The following CCSER2 variants were observed in gnomAD, a reference collection of about 807,000 sequenced individuals.
The protein encoded by CCSER2 is serine-rich coiled-coil domain-containing protein 2.
Under a neutral mutation model 92.3 loss-of-function variants are expected in CCSER2, and 46 were observed. The observed-to-expected ratio is 0.50, with a 90% CI of 0.39 to 0.64. The LOEUF is 0.64. Among genes scored for constraint, CCSER2 ranks in the 30% least tolerant of loss-of-function variants. CCSER2 has a pLI of 0.00. For synonymous variants in CCSER2, 433 were observed against 431.4 expected (o/e 1.00, Z -0.04); for missense variants, 1,244 against 1,238.9 (o/e 1.00, Z -0.06).
intron 3 of CCSER2, among the ~76,000 whole-genome samples, chr10:84,404,968 T>C (rs1842304537): frequency 6.6e-6 from 1 of 152,136 alleles, no homozygotes; most frequent in South Asian, 2.1e-4. Context: ...AGTGAAGACA[T>C]CACTCCATCC....
chr10:84,385,883 A>C (rs1841174950), intron 3 of CCSER2, among the ~76,000 whole-genome samples: 1 of 152,154 alleles, frequency 6.6e-6, no homozygotes, highest in African/African-American at 2.4e-5. Flanking sequence ...GAACTCAACA[A>C]GAAAAAAAAT....
rs1463277278 is a variant in CCSER2, at chr10:84,372,039, A to G, written c.987A>G (p.Pro329=). 3.1e-6 allele frequency: 5 copies of G among 1,613,846 alleles called. No homozygotes were observed. Among genetic ancestry groups the G allele is most frequent in the Non-Finnish European group, 3.4e-6 (4 of 1,179,834 alleles). Residue 329 remains proline, a synonymous_variant, in exon 2 of 10, where the codon CCA becomes CCG. Transcript: ENST00000372088. ...CTCTACTGAAATCTAGCCGATCTCC[A>G]TTTTCTGGGACTATGACAGTTGATG... is the stretch of plus-strand genomic sequence containing the variant. ...HPSLLKSSRS[P]FSGTMTVDGN... is the part of the protein sequence containing the mutation.
At chr10:84,365,736 A>G (rs934221931) in intron 1 of CCSER2, among the ~76,000 whole-genome samples, 11 of 152,210 alleles carry the variant, frequency 7.2e-5, no homozygotes, top group Admixed American at 6.5e-5. Context: ...CATCTTAGGC[A>G]GGAAAATAGA....
rs60243946 is a variant in CCSER2, at chr10:84,428,985, G to GTATATATATATATATATA, written c.1868+3105_1868+3122dup. Among the ~76,000 whole-genome samples the GTATATATATATATATATA allele has an allele frequency of 9.8e-4, 138 of 140,806 alleles. 1 individual carries two copies. The Middle Eastern group carries it at 0.011, about 11-fold the overall frequency. 92.4% of individuals were successfully genotyped at this position (140,806 alleles called of 152,430 possible). A position where few individuals can be genotyped will look rare whatever the true frequency, so the allele number is the denominator to read the frequency against. ...GAAGATTTTTTTTGTGTGTGTATGTGTATATATATATATATATATATATAT... is the reference window on the plus strand; with the variant it reads ...GAAGATTTTTTTTGTGTGTGTATGTGTATATATATATATATATATATATATATATATATATATATATAT... On this transcript the variant is annotated intron_variant, in intron 5 of 9. Coordinates refer to ENST00000372088, the MANE Select transcript of CCSER2 (RefSeq NM_001284240.2).
At chr10:84,501,862 CAT>C (rs561729632) in intron 9 of CCSER2, among the ~76,000 whole-genome samples, 6 of 69,516 alleles carry the variant, frequency 8.6e-5, no homozygotes, top group Non-Finnish European at 1.9e-4. Flanking sequence ...TATATATACT[CAT>C]ATATATATAT....
rs529351756 is a variant in CCSER2 at position 84,475,085 on chromosome 10, A to G, written c.2236-2490A>G. 2.1e-3 allele frequency among the ~76,000 whole-genome samples: 323 copies of G among 152,298 alleles called. 1 individual carries two copies. Among genetic ancestry groups the G allele is most frequent in the African/African-American group, 7.6e-3 (315 of 41,554 alleles). ...ATACCCAAGGATAGGTTAAGGGCCT[A>G]TGATCTCCAGTGTCTGTTTTTAAAA... On this transcript the variant is annotated intron_variant, in intron 8 of 9. Transcript: ENST00000372088.
At chr10:84,382,975 G>A (rs7094403) in intron 3 of CCSER2, among the ~76,000 whole-genome samples, 1 of 152,152 alleles carries the variant, frequency 6.6e-6, no homozygotes, top group Non-Finnish European at 1.5e-5. Context: ...AGGAGAGCTG[G>A]CTAGATTTGG....
intron 1 of CCSER2, among the ~76,000 whole-genome samples, chr10:84,368,272 A>G (rs1253074345): frequency 6.6e-6 from 1 of 152,202 alleles, no homozygotes; most frequent in African/African-American, 2.4e-5. Flanking sequence ...TCAGGCTGCC[A>G]GTCATACTGT....
chr10:84,363,639 A>G (rs1845628623), intron 1 of CCSER2, among the ~76,000 whole-genome samples: 1 of 152,222 alleles, frequency 6.6e-6, no homozygotes, highest in Non-Finnish European at 1.5e-5. Flanking sequence ...TGATGAGGTA[A>G]TGGATATGAA....
intron 9 of CCSER2, among the ~76,000 whole-genome samples, chr10:84,509,962 A>G (rs1250202260): frequency 6.6e-6 from 1 of 152,104 alleles, no homozygotes; most frequent in African/African-American, 2.4e-5. Context: ...TTTTCTGACA[A>G]TTTCGTCCCC....
chr10:84,509,249 T>C (rs529725758), intron 9 of CCSER2, among the ~76,000 whole-genome samples: 1 of 152,378 alleles, frequency 6.6e-6, no homozygotes, highest in East Asian at 1.9e-4. Flanking sequence ...TAAATCACTT[T>C]GGTAATTCTT....
chr10:84,473,186 C>T (rs1846921839), intron 8 of CCSER2: 2 of 151,784 alleles, frequency 1.3e-5, no homozygotes. Flanking sequence ...TATATTAAAC[C>T]TAGTAATCAT....
intron 1 of CCSER2, among the ~76,000 whole-genome samples, chr10:84,334,945 G>T (rs769572686): frequency 1.3e-5 from 2 of 152,152 alleles, no homozygotes; most frequent in Non-Finnish European, 2.9e-5. Flanking sequence ...AAGCATGAGG[G>T]ATTACTCCTT....
At chr10:84,366,050 A>T (rs1038518698) in intron 1 of CCSER2, among the ~76,000 whole-genome samples, 2 of 152,174 alleles carry the variant, frequency 1.3e-5, no homozygotes, top group African/African-American at 4.8e-5. Flanking sequence ...CTGCTTGATC[A>T]TGTCACTACT....
intron 1 of CCSER2, among the ~76,000 whole-genome samples, chr10:84,365,049 A>T (rs534761619): frequency 9.9e-4 from 150 of 152,168 alleles, no homozygotes; most frequent in African/African-American, 3.5e-3. Flanking sequence ...GCCTGAAAAA[A>T]ATTTTTAAAT....
intron 3 of CCSER2, among the ~76,000 whole-genome samples, chr10:84,404,038 CT>C: frequency 6.6e-6 from 1 of 152,290 alleles, no homozygotes; most frequent in East Asian, 1.9e-4. Context: ...GGGTTGCCAT[CT>C]TGATTTTCTG....
chr10:84,445,343 C>T (rs181383508), intron 6 of CCSER2, among the ~76,000 whole-genome samples: 28 of 152,192 alleles, frequency 1.8e-4, no homozygotes, highest in African/African-American at 5.5e-4. Context: ...TTAGAAGAGA[C>T]GGGGTTTCAC....
At chr10:84,468,577 A>G (rs1846591540) in intron 7 of CCSER2, among the ~76,000 whole-genome samples, 1 of 152,216 alleles carries the variant, frequency 6.6e-6, no homozygotes, top group Admixed American at 6.5e-5. Context: ...TAATGTTCTT[A>G]GCACATTATT....
At chr10:84,341,544 C>G (rs1025991504) in intron 1 of CCSER2, among the ~76,000 whole-genome samples, 10 of 151,972 alleles carry the variant, frequency 6.6e-5, no homozygotes, top group Admixed American at 1.3e-4. Context: ...CCAAGCAATT[C>G]TGACACCATA....
Sources: allele counts gnomAD v4.1 joint callset (sites outside exome capture counted in the v4.1 genomes callset), GRCh38; gene constraint gnomAD v4.1.1; transcripts MANE v1.5; gene names NCBI Gene and HGNC (gene_info 2026-07-23, HGNC 2026-07-21).